Variants in NTF3 observed in about 807,000 individuals in gnomAD.
NTF3 encodes neurotrophin-3.
In NTF3, 8 loss-of-function variants were observed where a neutral mutation model predicts 26.3. The observed-to-expected ratio is 0.30, with a 90% confidence interval of 0.18 to 0.55. The LOEUF (loss-of-function observed/expected upper bound fraction) is 0.55. NTF3 is among the 20% of genes least tolerant of loss of function. The probability of loss-of-function intolerance (pLI) is 0.93; values close to 1 mark genes in which losing one functional copy is unlikely to be tolerated. For synonymous variants in NTF3, 154 were observed against 145.5 expected, an observed-to-expected ratio of 1.06 and a Z score of -0.42; for missense variants, 276 against 352.9, an observed-to-expected ratio of 0.78 and a Z score of 1.75.
At chr12:5,437,987 T>C (rs1940193024) in intron 1 of NTF3, among the ~76,000 whole-genome samples, 1 of 152,078 alleles carries the variant, frequency 6.6e-6, no homozygotes, top group Non-Finnish European at 1.5e-5. Context: ...TTGGCTCAGA[T>C]TGGATTGTCA....
chr12:5,490,909 C>T (rs1940928578), intron 1 of NTF3, among the ~76,000 whole-genome samples: 1 of 152,174 alleles, frequency 6.6e-6, no homozygotes, highest in East Asian at 1.9e-4. Context: ...CGCCCGTGTG[C>T]GTCAAGGGCA....
At chr12:5,471,259 A>C (rs1940663025) in intron 1 of NTF3, among the ~76,000 whole-genome samples, 1 of 152,056 alleles carries the variant, frequency 6.6e-6, no homozygotes, top group Non-Finnish European at 1.5e-5. Flanking sequence ...CTGGATTCAT[A>C]TTTCTCCTAG....
Position 5,494,465 on chromosome 12 carries a change from C to G in NTF3, c.290C>G (p.Pro97Arg), listed in dbSNP as rs140729483. ...GGGCCCGCCAAGTCAGCATTCCAGC[C>G]GGTGATTGCAATGGACACCGAACTG... ...RGGPAKSAFQ[P>R]VIAMDTELLR... Residue 97 changes from proline to arginine, a missense_variant, in exon 2 of 2, where the codon CCG becomes CGG. Around this residue, in one of 3 missense-constraint regions of NTF3, gnomAD observed 221 missense variants for 258.2 expected, o/e 0.86. Transcript: ENST00000423158. This position sits in a 1 kb window ranked among gnomAD's most constrained non-coding sequence, Gnocchi z 8.3. The G allele has an allele frequency of 1.1e-5, 18 of 1,613,632 alleles. No individual in the cohort carries two copies. In the African/African-American group the frequency reaches 2.4e-4, roughly 22 times the overall value.
intron 1 of NTF3, among the ~76,000 whole-genome samples, chr12:5,482,624 A>G (rs2121238386): frequency 6.6e-6 from 1 of 151,790 alleles, no homozygotes; most frequent in South Asian, 2.1e-4. Flanking sequence ...AACCAGGTAG[A>G]AGAGCCACTG....
rs558372005 is a variant in NTF3, at chr12:5,494,038, T to C, written c.19-156T>C. ...CCGGGGGTGGGGGAAAGAAATCACCTCTTCAGAATGTCCAGAGGGGAGTTG... is the reference window on the plus strand; with the variant it reads ...CCGGGGGTGGGGGAAAGAAATCACCCCTTCAGAATGTCCAGAGGGGAGTTG... On this transcript the variant is annotated intron_variant, in intron 1 of 1. Coordinates refer to ENST00000423158, the MANE Select transcript of NTF3 (RefSeq NM_001102654.2). This position sits in a 1 kb window ranked among gnomAD's most constrained non-coding sequence, Gnocchi z 8.3. 9.3e-6 allele frequency: 6 copies of C among 646,510 alleles called. No individual in the cohort carries two copies. The highest frequency in any genetic ancestry group is 1.8e-5 in the African/African-American group (1 of 54,620). 40.0% of individuals were successfully genotyped at this position (646,510 alleles called of 1,614,324 possible).
chr12:5,494,601 G>A lies in NTF3; in HGVS notation c.426G>A (p.Val142=). Residue 142 remains valine, a synonymous_variant, in exon 2 of 2, where the codon GTG becomes GTA. Coordinates refer to ENST00000423158, the MANE Select transcript of NTF3 (RefSeq NM_001102654.2). This position sits in a 1 kb window ranked among gnomAD's most constrained non-coding sequence, Gnocchi z 8.3. The part of the protein sequence containing the change: ...LMEDYVGSPV[V]ANRTSRRKRY... ...AGGATTACGTGGGCAGCCCCGTGGT[G>A]GCGAACAGAACATCACGGCGGAAAC... The A allele has an allele frequency of 1.2e-6, 2 of 1,614,114 alleles. No homozygotes were observed. Among genetic ancestry groups the A allele is most frequent in the Non-Finnish European group, 8.5e-7 (1 of 1,180,042 alleles).
At chr12:5,451,962 G>C (rs567071525) in intron 1 of NTF3, among the ~76,000 whole-genome samples, 8 of 152,232 alleles carry the variant, frequency 5.3e-5, no homozygotes, top group African/African-American at 1.9e-4. Context: ...CAAAGTGCTG[G>C]GATTACAGGC....
intron 1 of NTF3, 29 bp downstream of exon 1, chr12:5,432,371 G>T (rs769976824): frequency 1.7e-5 from 27 of 1,608,898 alleles, no homozygotes; most frequent in Non-Finnish European, 2.2e-5. Context: ...CACCTTGGGT[G>T]GGCAGGTTTG....
intron 1 of NTF3, among the ~76,000 whole-genome samples, chr12:5,476,826 A>G (rs1466769397): frequency 1.3e-5 from 2 of 152,232 alleles, no homozygotes; most frequent in Non-Finnish European, 2.9e-5. Flanking sequence ...CCTAGATTGT[A>G]ATAGTAAGTG....
intron 1 of NTF3, among the ~76,000 whole-genome samples, chr12:5,466,796 G>A (rs1025592671): frequency 3.3e-5 from 5 of 152,216 alleles, no homozygotes; most frequent in African/African-American, 9.7e-5. Flanking sequence ...CCGGGGAGGG[G>A]GGACTGACAG....
intron 1 of NTF3, among the ~76,000 whole-genome samples, chr12:5,468,016 G>A (rs534123356): frequency 6.6e-6 from 1 of 151,864 alleles, no homozygotes; most frequent in African/African-American, 2.4e-5. Flanking sequence ...TCCCTCTGAT[G>A]AGATTTCCTC....
intron 1 of NTF3, among the ~76,000 whole-genome samples, chr12:5,471,867 G>T (rs531266699): frequency 5.2e-4 from 79 of 152,028 alleles, no homozygotes; most frequent in African/African-American, 1.8e-3. Flanking sequence ...GTGATAAAAG[G>T]GCTTGCAGAG....
intron 1 of NTF3, among the ~76,000 whole-genome samples, chr12:5,443,221 G>A (rs974572921): frequency 5.3e-5 from 8 of 152,270 alleles, no homozygotes; most frequent in East Asian, 1.9e-4. Context: ...CTTGGGTTCC[G>A]CATCCTCAAA....
chr12:5,494,341 AT>A lies in NTF3; in HGVS notation c.170del (p.Leu57Ter). ...CATTATTAAGCTGATCCAGGCAGAT[AT>A]TTTGAAAAACAAGCTCTCCAAGCAG... ...SLIIKLIQAD[I>X]LKNKLSKQMV... On this transcript the variant is annotated frameshift_variant, in exon 2 of 2. Coordinates refer to ENST00000423158, the MANE Select transcript of NTF3 (RefSeq NM_001102654.2). LOFTEE classifies it high-confidence loss of function. This position sits in a 1 kb window ranked among gnomAD's most constrained non-coding sequence, Gnocchi z 8.3. 1 of 1,614,114 alleles carries A rather than the reference AT, an allele frequency of 6.2e-7. No individual in the cohort carries two copies. The highest frequency in any genetic ancestry group is 8.5e-7 in the Non-Finnish European group (1 of 1,180,016).
At chr12:5,457,188 T>A (rs977528652) in intron 1 of NTF3, among the ~76,000 whole-genome samples, 27 of 152,232 alleles carry the variant, frequency 1.8e-4, no homozygotes, top group African/African-American at 6.5e-4. Flanking sequence ...AGTTAGAAAC[T>A]AACCGAATCT....
intron 1 of NTF3, among the ~76,000 whole-genome samples, chr12:5,445,289 TG>T (rs1169265274): frequency 1.0e-3 from 28 of 26,762 alleles, no homozygotes; most frequent in Non-Finnish European, 6.9e-4. Context: ...GATTAAATGA[TG>T]TGTGTGTGTA....
chr12:5,442,234 T>C (rs1460365891), intron 1 of NTF3, among the ~76,000 whole-genome samples: 1 of 152,188 alleles, frequency 6.6e-6, no homozygotes, highest in Non-Finnish European at 1.5e-5. Flanking sequence ...CAAACCATGA[T>C]TGAGAATCCT....
At position 5,433,351 on chromosome 12, in the gene NTF3, C is replaced by T. The variant is rs1940124301; in HGVS notation, c.18+1009C>T. 6.6e-6 allele frequency: 1 copy of T among 152,450 alleles called. No homozygotes were observed. The highest frequency in any genetic ancestry group is 1.5e-5 in the Non-Finnish European group (1 of 68,244). The allele number at this position is 152,450 out of a possible 1,614,324, so 9.4% of individuals were successfully genotyped here. On this transcript the variant is annotated intron_variant, in intron 1 of 1. Coordinates refer to ENST00000423158, the MANE Select transcript of NTF3 (RefSeq NM_001102654.2). This position sits in a 1 kb window ranked among gnomAD's most constrained non-coding sequence, Gnocchi z 4.6. ...CAGCCAGGTCGGAGTTTAAAGGTCC[C>T]ACGACGGACCGAACTGTCCCATTGC... is the stretch of plus-strand genomic sequence containing the variant.
At chr12:5,446,895 C>T (rs752759202) in intron 1 of NTF3, among the ~76,000 whole-genome samples, 2 of 152,174 alleles carry the variant, frequency 1.3e-5, no homozygotes, top group African/African-American at 4.8e-5. Flanking sequence ...TGAGCCACGC[C>T]GACCTGATGC....
Sources: gnomAD v4.1 joint callset for allele counts (sites outside exome capture counted in the v4.1 genomes callset) on GRCh38, gnomAD v4.1.1 for gene constraint, gnomAD v4.1.1 regional missense constraint, Gnocchi (gnomAD v3.1) non-coding constraint, MANE v1.5 for transcripts, NCBI Gene and HGNC (gene_info 2026-07-23, HGNC 2026-07-21) for gene names.